CERS6: variants seen among roughly 807,000 people sequenced by gnomAD.
The protein encoded by CERS6 is ceramide synthase 6.
In CERS6, 26 loss-of-function variants were observed where a neutral mutation model predicts 56.8. That is an observed-to-expected ratio of 0.46 (90% CI 0.34 to 0.63). The LOEUF (loss-of-function observed/expected upper bound fraction) is 0.63, where lower values mean the gene tolerates loss of function less well. Ranked by LOEUF, CERS6 falls within the 30% of genes least tolerant of loss-of-function variation. CERS6 has a pLI of 0.01. For synonymous variants in CERS6, 164 were observed against 173.3 expected (o/e 0.95, Z 0.42); for missense variants, 415 against 467.5 (o/e 0.89, Z 1.04).
intron 3 of CERS6, among the ~76,000 whole-genome samples, chr2:168,565,983 G>A (rs1389895324): frequency 6.6e-6 from 1 of 152,170 alleles, no homozygotes; most frequent in Non-Finnish European, 1.5e-5. Flanking sequence ...TTGCATCCAA[G>A]TGGTGGGTTT....
At chr2:168,482,346 G>A (rs1228024342) in intron 1 of CERS6, among the ~76,000 whole-genome samples, 1 of 152,232 alleles carries the variant, frequency 6.6e-6, no homozygotes, top group Non-Finnish European at 1.5e-5. Flanking sequence ...AAAGACAAGT[G>A]AGTGAGTCTG....
chr2:168,666,232 A>G (rs1365160257), intron 4 of CERS6, among the ~76,000 whole-genome samples: 1 of 152,156 alleles, frequency 6.6e-6, no homozygotes, highest in Non-Finnish European at 1.5e-5. Flanking sequence ...GATCTGGACA[A>G]ATGTATAATG....
At chr2:168,570,734 A>G (rs1308563941) in intron 3 of CERS6, among the ~76,000 whole-genome samples, 1 of 152,182 alleles carries the variant, frequency 6.6e-6, no homozygotes. Context: ...GTCTGGCTCA[A>G]GCTCTGTTAC....
At chr2:168,756,701 G>A (rs1034736134) in intron 8 of CERS6, among the ~76,000 whole-genome samples, 34 of 152,252 alleles carry the variant, frequency 2.2e-4, no homozygotes, top group Admixed American at 2.6e-4. Flanking sequence ...ATGTGGGGAC[G>A]GATCGGCTCT....
At chr2:168,722,007 A>G (rs992943384) in intron 8 of CERS6, among the ~76,000 whole-genome samples, 1 of 152,066 alleles carries the variant, frequency 6.6e-6, no homozygotes, top group Non-Finnish European at 1.5e-5. Flanking sequence ...CCTTGCCAAC[A>G]CTTACGATTT....
chr2:168,767,421 T>G (rs1684754150), intron 9 of CERS6, among the ~76,000 whole-genome samples: 1 of 152,236 alleles, frequency 6.6e-6, no homozygotes, highest in South Asian at 2.1e-4. Flanking sequence ...AGTTTTCTAT[T>G]TATGACTAAT....
intron 1 of CERS6, among the ~76,000 whole-genome samples, chr2:168,484,473 T>C (rs75839128): frequency 0.077 from 11,652 of 150,502 alleles, 499 homozygotes; most frequent in East Asian, 0.18. Context: ...TGAGCCACTG[T>C]GCTTCGCTTT....
At chr2:168,677,703 G>A (rs1686099822) in intron 4 of CERS6, among the ~76,000 whole-genome samples, 1 of 151,912 alleles carries the variant, frequency 6.6e-6, no homozygotes, top group African/African-American at 2.4e-5. Flanking sequence ...CTCTATGTTG[G>A]TCAGGCTGGT....
chr2:168,620,060 C>CATAT (rs1340621894), intron 3 of CERS6, among the ~76,000 whole-genome samples: 6 of 75,266 alleles, frequency 8.0e-5, no homozygotes, highest in East Asian at 7.9e-4. Context: ...CACACACACA[C>CATAT]ACATATTTAT....
chr2:168,735,579 A>G (rs145050022), intron 8 of CERS6, among the ~76,000 whole-genome samples: 158 of 150,422 alleles, frequency 1.1e-3, no homozygotes, highest in African/African-American at 3.5e-3. Flanking sequence ...AACAGCACTT[A>G]AGAAGTATTT....
intron 8 of CERS6, among the ~76,000 whole-genome samples, chr2:168,726,311 C>T (rs1192844732): frequency 6.6e-6 from 1 of 152,140 alleles, no homozygotes; most frequent in East Asian, 1.9e-4. Context: ...TACTATGTTC[C>T]ATTTGTCCTT....
At chr2:168,550,256 G>C (rs538360640) in intron 2 of CERS6, among the ~76,000 whole-genome samples, 11 of 152,196 alleles carry the variant, frequency 7.2e-5, no homozygotes, top group African/African-American at 2.6e-4. Flanking sequence ...GCACACTGCA[G>C]CCTCAAACTC....
intron 8 of CERS6, among the ~76,000 whole-genome samples, chr2:168,726,943 T>G (rs1216830554): frequency 6.6e-6 from 1 of 152,206 alleles, no homozygotes; most frequent in Non-Finnish European, 1.5e-5. Flanking sequence ...TTCTCAGTAC[T>G]CAGTAAGCAT....
intron 4 of CERS6, among the ~76,000 whole-genome samples, chr2:168,635,317 A>C (rs768806550): frequency 6.6e-6 from 1 of 152,230 alleles, no homozygotes; most frequent in Non-Finnish European, 1.5e-5. Flanking sequence ...GGGAATGTGG[A>C]AAAACTACAA....
intron 1 of CERS6, among the ~76,000 whole-genome samples, chr2:168,531,364 C>T (rs2105362454): frequency 6.6e-6 from 1 of 152,240 alleles, no homozygotes; most frequent in Non-Finnish European, 1.5e-5. Context: ...AAGAAACATA[C>T]AGGGAGATTT....
intron 8 of CERS6, among the ~76,000 whole-genome samples, chr2:168,731,633 G>T (rs1005370599): frequency 6.6e-6 from 1 of 152,082 alleles, no homozygotes; most frequent in Non-Finnish European, 1.5e-5. Context: ...GTAGCAGGGG[G>T]TGGGGAATTA....
At chr2:168,610,711 T>C (rs1684168235) in intron 3 of CERS6, among the ~76,000 whole-genome samples, 1 of 152,186 alleles carries the variant, frequency 6.6e-6, no homozygotes, top group South Asian at 2.1e-4. Flanking sequence ...TGCCACATAC[T>C]ATAGTTATAC....
chr2:168,496,613 C>A (rs994360014), intron 1 of CERS6, among the ~76,000 whole-genome samples: 18 of 152,138 alleles, frequency 1.2e-4, no homozygotes, highest in African/African-American at 3.6e-4. Context: ...TGCCTACTCA[C>A]AGGGTTGCTG....
At chr2:168,580,517 C>T (rs950236223) in intron 3 of CERS6, among the ~76,000 whole-genome samples, 1 of 152,086 alleles carries the variant, frequency 6.6e-6, no homozygotes, top group Admixed American at 6.6e-5. Flanking sequence ...TTTTGTCATG[C>T]CTTTTATTCT....
Sources: gnomAD v4.1 joint callset for allele counts (sites outside exome capture counted in the v4.1 genomes callset) on GRCh38, gnomAD v4.1.1 for gene constraint, MANE v1.5 for transcripts, NCBI Gene and HGNC (gene_info 2026-07-23, HGNC 2026-07-21) for gene names.